Variants in CEP135 observed in about 807,000 individuals in gnomAD.
The protein encoded by CEP135 is centrosomal protein of 135 kDa.
Under a neutral mutation model 157.3 loss-of-function variants are expected in CEP135, and 142 were observed. The observed-to-expected ratio is 0.90, with a 90% CI of 0.79 to 1.04. CEP135 has a LOEUF of 1.04. Ranked by LOEUF, CEP135 falls within the 50% of genes least tolerant of loss-of-function variation. The pLI is 0.00. For synonymous variants in CEP135, 396 were observed against 439.8 expected, an observed-to-expected ratio of 0.90 and a Z score of 1.25; for missense variants, 1,317 against 1,309.2, an observed-to-expected ratio of 1.01 and a Z score of -0.09.
chr4:55,969,498 C>T (rs962346069), intron 9 of CEP135, among the ~76,000 whole-genome samples: 1 of 151,288 alleles, frequency 6.6e-6, no homozygotes, highest in Non-Finnish European at 1.5e-5. Context: ...CTGACAACCA[C>T]TAATCTACTT....
At chr4:55,999,452 A>C (rs371355053) in intron 16 of CEP135, 35 bp downstream of exon 16, 1 of 1,613,026 alleles carries the variant, frequency 6.2e-7, no homozygotes, top group African/African-American at 1.3e-5. Context: ...TGCTAATCCT[A>C]ATGTACTTTG....
chr4:55,968,216 A>G (rs866718111), intron 8 of CEP135, among the ~76,000 whole-genome samples: 16 of 152,166 alleles, frequency 1.1e-4, no homozygotes, highest in South Asian at 4.1e-4. Flanking sequence ...GAGATGAAAA[A>G]CCCTTACACT....
chr4:56,007,357 A>G (rs373857542), intron 17 of CEP135, among the ~76,000 whole-genome samples: 2 of 152,184 alleles, frequency 1.3e-5, no homozygotes, highest in East Asian at 1.9e-4. Context: ...ACCCCTGCCC[A>G]TCTGGGATGG....
At chr4:55,997,693 C>CA (rs1473881821) in intron 15 of CEP135, among the ~76,000 whole-genome samples, 1 of 104,992 alleles carries the variant, frequency 9.5e-6, no homozygotes, top group Non-Finnish European at 1.9e-5. Context: ...TGACCTTGGA[C>CA]AAGTTTTTTT....
intron 21 of CEP135, among the ~76,000 whole-genome samples, chr4:56,012,961 A>G (rs1359288941): frequency 6.6e-6 from 1 of 152,172 alleles, no homozygotes; most frequent in Non-Finnish European, 1.5e-5. Context: ...TTTTTTGAGG[A>G]ATAGCCATGT....
intron 17 of CEP135, among the ~76,000 whole-genome samples, chr4:56,002,255 T>C (rs1244366090): frequency 6.6e-6 from 1 of 152,036 alleles, no homozygotes; most frequent in African/African-American, 2.4e-5. Flanking sequence ...GACTAATTGT[T>C]CTGGCCAGGA....
At chr4:55,994,439 C>G (rs1335194098) in intron 15 of CEP135, among the ~76,000 whole-genome samples, 1 of 152,070 alleles carries the variant, frequency 6.6e-6, no homozygotes, top group Non-Finnish European at 1.5e-5. Flanking sequence ...CCTAGCTACC[C>G]GAGAGGCTGA....
At chr4:56,017,952 C>T in intron 22 of CEP135, 95 bp downstream of exon 22, 5 of 1,073,426 alleles carry the variant, frequency 4.7e-6, no homozygotes, top group Non-Finnish European at 6.6e-6. Flanking sequence ...ATACTTGTTT[C>T]CTTTTAGAGT....
chr4:55,991,542 A>G (rs952481702), intron 14 of CEP135, among the ~76,000 whole-genome samples: 3 of 152,080 alleles, frequency 2.0e-5, no homozygotes, highest in African/African-American at 7.2e-5. Context: ...GTTTCTTCAC[A>G]TAGATCTTGC....
chr4:55,951,385 T>C (rs1276493863), intron 1 of CEP135, among the ~76,000 whole-genome samples: 1 of 152,240 alleles, frequency 6.6e-6, no homozygotes, highest in Non-Finnish European at 1.5e-5. Context: ...GCTCCAGATC[T>C]TTGTCGACAT....
chr4:56,025,414 A>G (rs1456525886), intron 25 of CEP135, among the ~76,000 whole-genome samples: 2 of 152,230 alleles, frequency 1.3e-5, no homozygotes. Context: ...AAAAATGTAG[A>G]CAAAGCATAG....
At chr4:56,011,267 A>G (rs1209213374) in intron 19 of CEP135, 145 bp from the exon 20 acceptor site, 1 of 584,924 alleles carries the variant, frequency 1.7e-6, no homozygotes, top group African/African-American at 1.9e-5. Context: ...AGCCAGGAAA[A>G]ATATGTGAAA....
intron 10 of CEP135, among the ~76,000 whole-genome samples, chr4:55,973,679 CA>C (rs1729099067): frequency 2.6e-5 from 4 of 152,120 alleles, no homozygotes; most frequent in Admixed American, 2.6e-4. Context: ...CATTCCAATA[CA>C]AAAACTTTGA....
chr4:55,966,134 C>G (rs1728836965), intron 8 of CEP135: 1 of 339,820 alleles, frequency 2.9e-6, no homozygotes, highest in African/African-American at 2.2e-5. Flanking sequence ...ATTTTTATCT[C>G]TGCCCCTTTA....
At chr4:56,007,318 A>G (rs977713464) in intron 17 of CEP135, among the ~76,000 whole-genome samples, 19 of 152,264 alleles carry the variant, frequency 1.2e-4, no homozygotes, top group Admixed American at 9.8e-4. Context: ...CTAAAGCCCA[A>G]GTTTGCCTTG....
At chr4:55,996,537 A>G in intron 15 of CEP135, among the ~76,000 whole-genome samples, 1 of 152,160 alleles carries the variant, frequency 6.6e-6, no homozygotes, top group East Asian at 1.9e-4. Flanking sequence ...ATCTAGGGCC[A>G]CTAGTTACAA....
intron 13 of CEP135, among the ~76,000 whole-genome samples, chr4:55,983,977 C>A (rs891499100): frequency 2.0e-5 from 3 of 152,188 alleles, no homozygotes; most frequent in African/African-American, 7.2e-5. Context: ...TCTTTCTGTT[C>A]CCCTGCTACC....
At chr4:56,014,775 T>G (rs994430115) in intron 21 of CEP135, among the ~76,000 whole-genome samples, 3 of 152,116 alleles carry the variant, frequency 2.0e-5, no homozygotes, top group Admixed American at 1.3e-4. Context: ...ACACCTGTAA[T>G]CCTAGTACTT....
intron 6 of CEP135, among the ~76,000 whole-genome samples, chr4:55,963,636 C>G (rs1695661410): frequency 6.6e-6 from 1 of 152,168 alleles, no homozygotes; most frequent in South Asian, 2.1e-4. Context: ...GTCCCAGCTA[C>G]TCAGGAGGCT....
Sources: allele counts gnomAD v4.1 joint callset (sites outside exome capture counted in the v4.1 genomes callset), GRCh38; gene constraint gnomAD v4.1.1; transcripts MANE v1.5; gene names NCBI Gene and HGNC (gene_info 2026-07-23, HGNC 2026-07-21).